IL1RAPL1: variants seen among roughly 807,000 people sequenced by gnomAD.
The protein encoded by IL1RAPL1 is interleukin-1 receptor accessory protein-like 1.
A neutral mutation model predicts 48.4 loss-of-function variants in IL1RAPL1; 3 were observed. That is an observed-to-expected ratio of 0.06 (90% CI 0.03 to 0.16). IL1RAPL1 has a LOEUF of 0.16. Ranked by LOEUF, IL1RAPL1 falls within the 10% of genes least tolerant of loss-of-function variation. IL1RAPL1 has a pLI of 1.00. For synonymous variants in IL1RAPL1, 185 were observed against 187.7 expected (o/e 0.99, Z 0.12); for missense variants, 349 against 530.6 (o/e 0.66, Z 3.36).
At chrX:29,052,764 C>T (rs1168121144) in intron 2 of IL1RAPL1, among the ~76,000 whole-genome samples, 11 of 111,300 alleles carry the variant, frequency 9.9e-5, no homozygotes, top group Admixed American at 4.8e-4. Context: ...CGCCGCCTCC[C>T]GGGTTCAAGC....
intron 1 of IL1RAPL1, among the ~76,000 whole-genome samples, chrX:28,688,002 G>T: frequency 9.4e-6 from 1 of 105,960 alleles, no homozygotes; most frequent in Non-Finnish European, 1.9e-5. Context: ...TACTCAGGAG[G>T]CTGAGGCACG....
At chrX:29,210,334 A>G (rs1166765012) in intron 2 of IL1RAPL1, among the ~76,000 whole-genome samples, 1 of 111,673 alleles carries the variant, frequency 9.0e-6, no homozygotes, top group Non-Finnish European at 1.9e-5. Flanking sequence ...AGTTGGCATA[A>G]TATAAATCGT....
chrX:29,161,425 G>C (rs907855999), intron 2 of IL1RAPL1, among the ~76,000 whole-genome samples: 1 of 112,104 alleles, frequency 8.9e-6, no homozygotes, highest in Non-Finnish European at 1.9e-5. Flanking sequence ...AACGTATTAG[G>C]AATAGATGTA....
chrX:29,343,995 A>G (rs1221829848), intron 3 of IL1RAPL1, among the ~76,000 whole-genome samples: 2 of 112,532 alleles, frequency 1.8e-5, no homozygotes, highest in Non-Finnish European at 3.7e-5. Flanking sequence ...TGCCAAGTAC[A>G]GTATGAAAAT....
intron 2 of IL1RAPL1, among the ~76,000 whole-genome samples, chrX:29,117,969 G>A (rs1928708502): frequency 1.8e-5 from 2 of 111,818 alleles, no homozygotes; most frequent in African/African-American, 6.5e-5. Context: ...ATAAAAATTT[G>A]ATGACACATT....
intron 5 of IL1RAPL1, among the ~76,000 whole-genome samples, chrX:29,450,643 T>G (rs1481943630): frequency 1.8e-5 from 2 of 111,965 alleles, no homozygotes; most frequent in Non-Finnish European, 1.9e-5. Flanking sequence ...CTTAAAGAGC[T>G]AAATCATATC....
chrX:29,842,664 T>C (rs1330632902), intron 6 of IL1RAPL1, among the ~76,000 whole-genome samples: 1 of 112,484 alleles, frequency 8.9e-6, no homozygotes, highest in Non-Finnish European at 1.9e-5. Context: ...ATATTTGTTT[T>C]AGTTCAGTGT....
chrX:29,442,770 G>C (rs374560776), intron 5 of IL1RAPL1, among the ~76,000 whole-genome samples: 1 of 108,847 alleles, frequency 9.2e-6, no homozygotes, highest in African/African-American at 3.3e-5. Context: ...AGGTAGGAGG[G>C]TCACTTGGGC....
At chrX:29,406,658 T>A (rs1934076102) in intron 5 of IL1RAPL1, among the ~76,000 whole-genome samples, 1 of 110,943 alleles carries the variant, frequency 9.0e-6, no homozygotes, top group African/African-American at 3.3e-5. Flanking sequence ...ACCTTTTCAT[T>A]TCCTACATTA....
intron 6 of IL1RAPL1, among the ~76,000 whole-genome samples, chrX:29,774,598 A>G (rs905933403): frequency 4.5e-5 from 5 of 112,063 alleles, no homozygotes; most frequent in Non-Finnish European, 7.5e-5. Flanking sequence ...TTTATACGTA[A>G]AATTTCTTCA....
intron 6 of IL1RAPL1, among the ~76,000 whole-genome samples, chrX:29,854,708 G>T (rs1019161589): frequency 9.0e-6 from 1 of 111,336 alleles, no homozygotes; most frequent in Non-Finnish European, 1.9e-5. Context: ...TTAGAGTAAT[G>T]ATTGAATTAT....
chrX:29,192,080 C>T lies in IL1RAPL1; in HGVS notation c.83-90858C>T, dbSNP rs749575076. Among the ~76,000 whole-genome samples, 4 of 111,452 alleles carry T rather than the reference C, an allele frequency of 3.6e-5. No individual in the cohort carries two copies. In the East Asian group the frequency reaches 8.5e-4, roughly 24 times the overall value. On this transcript the variant is annotated intron_variant, in intron 2 of 10. Transcript: ENST00000378993. ...GTCTATTCTTTCGTTCTCCACAAAC[C>T]GAAGGGTGAAGGTTTTCTCTTGACT...
At chrX:29,383,525 TATA>T (rs1352638732) in intron 3 of IL1RAPL1, among the ~76,000 whole-genome samples, 1 of 112,158 alleles carries the variant, frequency 8.9e-6, no homozygotes, top group African/African-American at 3.2e-5. Flanking sequence ...GAATCCTTAA[TATA>T]ATGTCATATT....
At chrX:28,601,574 T>G (rs1302410767) in intron 1 of IL1RAPL1, among the ~76,000 whole-genome samples, 1 of 111,551 alleles carries the variant, frequency 9.0e-6, no homozygotes, top group Admixed American at 9.5e-5. Context: ...TCAACTCAAT[T>G]CAGTTCAACA....
At chrX:29,510,512 A>G (rs1439859084) in intron 5 of IL1RAPL1, among the ~76,000 whole-genome samples, 1 of 112,120 alleles carries the variant, frequency 8.9e-6, no homozygotes, top group Non-Finnish European at 1.9e-5. Context: ...AATATTTCCC[A>G]ATTAGACCAT....
intron 6 of IL1RAPL1, among the ~76,000 whole-genome samples, chrX:29,886,922 T>G (rs1475416738): frequency 8.9e-6 from 1 of 112,048 alleles, no homozygotes; most frequent in Non-Finnish European, 1.9e-5. Context: ...ATGATTTACA[T>G]TTCTAATTTC....
chrX:29,772,383 A>G (rs780448917), intron 6 of IL1RAPL1, among the ~76,000 whole-genome samples: 1 of 111,340 alleles, frequency 9.0e-6, no homozygotes, highest in East Asian at 2.8e-4. Context: ...ATGTAATAAT[A>G]TTGTACGTTA....
chrX:29,626,631 T>C (rs1270415028), intron 5 of IL1RAPL1, among the ~76,000 whole-genome samples: 2 of 106,740 alleles, frequency 1.9e-5, no homozygotes, highest in African/African-American at 7.2e-5. Context: ...AATAGAAATA[T>C]TATTCTAAAA....
intron 3 of IL1RAPL1, among the ~76,000 whole-genome samples, chrX:29,320,690 C>T (rs756389080): frequency 6.9e-4 from 76 of 109,468 alleles, no homozygotes; most frequent in Non-Finnish European, 1.2e-3. Context: ...AGCTTGAAAC[C>T]GGGAGGCTGA....
Sources: gnomAD v4.1 joint callset for allele counts (sites outside exome capture counted in the v4.1 genomes callset) on GRCh38, gnomAD v4.1.1 for gene constraint, MANE v1.5 for transcripts, NCBI Gene and HGNC (gene_info 2026-07-23, HGNC 2026-07-21) for gene names.